The following MKLN1 variants were observed in gnomAD, a reference collection of about 807,000 sequenced individuals.
The protein encoded by MKLN1 is muskelin.
In MKLN1, 18 loss-of-function variants were observed where a neutral mutation model predicts 99.0. The observed-to-expected ratio is 0.18, with a 90% CI of 0.13 to 0.27. The LOEUF is 0.27. Among genes scored for constraint, MKLN1 ranks in the 10% least tolerant of loss-of-function variants. The probability of loss-of-function intolerance (pLI) is 1.00; values close to 1 mark genes in which losing one functional copy is unlikely to be tolerated. For synonymous variants in MKLN1, 288 were observed against 293.2 expected (o/e 0.98, Z 0.18); for missense variants, 621 against 875.9 (o/e 0.71, Z 3.67).
intron 1 of MKLN1, among the ~76,000 whole-genome samples, chr7:131,358,740 CTCGACTT>C (rs1183270389): frequency 6.6e-6 from 1 of 152,072 alleles, no homozygotes; most frequent in Admixed American, 6.5e-5. Flanking sequence ...AGGTCGCTTT[CTCGACTT>C]TTGGTAGTTT....
intron 3 of MKLN1, among the ~76,000 whole-genome samples, chr7:131,288,950 G>T (rs1393890925): frequency 6.6e-6 from 1 of 152,084 alleles, no homozygotes; most frequent in Admixed American, 6.6e-5. Flanking sequence ...ACCATCAAGT[G>T]CAGGTGGTTA....
At chr7:131,257,390 A>G (rs1007497871) in intron 3 of MKLN1, among the ~76,000 whole-genome samples, 1 of 152,266 alleles carries the variant, frequency 6.6e-6, no homozygotes. Flanking sequence ...AAATTACAAA[A>G]TACTTTAAAA....
chr7:131,420,949 G>T (rs1264883455), intron 8 of MKLN1, among the ~76,000 whole-genome samples: 1 of 152,116 alleles, frequency 6.6e-6, no homozygotes, highest in Non-Finnish European at 1.5e-5. Context: ...AGTAGATCAG[G>T]TTATTATGTC....
intron 11 of MKLN1, 29 bp downstream of exon 11, chr7:131,443,731 G>A (rs1160796548): frequency 6.8e-7 from 1 of 1,470,684 alleles, no homozygotes; most frequent in Non-Finnish European, 9.5e-7. Context: ...TTGCGTAAAT[G>A]TTATTTTGTC....
At chr7:131,281,080 A>G (rs566235550) in intron 3 of MKLN1, among the ~76,000 whole-genome samples, 3 of 151,968 alleles carry the variant, frequency 2.0e-5, no homozygotes, top group African/African-American at 4.8e-5. Flanking sequence ...TTCTTTTGTT[A>G]CTTCTGCTTT....
intron 2 of MKLN1, among the ~76,000 whole-genome samples, chr7:131,193,688 T>C (rs1355677526): frequency 6.6e-6 from 1 of 151,772 alleles, no homozygotes; most frequent in East Asian, 2.0e-4. Flanking sequence ...AGCTAAAAAT[T>C]ATTATTTTTG....
intron 1 of MKLN1, among the ~76,000 whole-genome samples, chr7:131,346,583 A>G (rs1799569640): frequency 6.6e-6 from 1 of 152,050 alleles, no homozygotes; most frequent in Non-Finnish European, 1.5e-5. Context: ...CCTTTGCAAC[A>G]ATTATAAGGT....
intron 3 of MKLN1, among the ~76,000 whole-genome samples, chr7:131,229,265 G>A (rs974227758): frequency 6.6e-5 from 10 of 151,702 alleles, no homozygotes; most frequent in Admixed American, 2.0e-4. Flanking sequence ...TGCACCCATC[G>A]ATCCGTCATC....
Position 131,437,850 on chromosome 7 carries a change from A to G in MKLN1, c.1026A>G (p.Thr342=). 6.2e-7 allele frequency: 1 copy of G among 1,613,910 alleles called. No individual in the cohort carries two copies. The highest frequency in any genetic ancestry group is 8.5e-7 in the Non-Finnish European group (1 of 1,179,894). Residue 342 remains threonine, a synonymous_variant, in exon 10 of 18, where the codon ACA becomes ACG. Transcript: ENST00000352689. ...ATATTCAACGGAGGCAAATCTACAC[A>G]TTGGGGCGTTACTTGGATTCCTCTG... ...CIDIQRRQIY[T]LGRYLDSSVR...
At position 131,429,116 on chromosome 7, in the gene MKLN1, A is replaced by G. The variant is rs546762632; in HGVS notation, c.931A>G (p.Thr311Ala). Residue 311 changes from threonine to alanine, a missense_variant, in exon 9 of 18, where the codon ACA (threonine) becomes GCA (alanine). By Grantham distance (58) the Thr-to-Ala change is moderately conservative (BLOSUM62 0). Around this residue, in one of 8 missense-constraint regions of MKLN1, gnomAD observed 361 missense variants for 540.8 expected, o/e 0.67. Transcript: ENST00000352689. The stretch of plus-strand genomic sequence containing the variant: ...GTACAGTGTGAAGGAGAACCAGTGG[A>G]CATGTATCTCTAGAGACACTGAAAA... ...WAYSVKENQW[T>A]CISRDTEKEN... is the part of the protein sequence containing the mutation. 19 of 1,613,760 alleles carry G rather than the reference A, an allele frequency of 1.2e-5. 1 individual carries two copies. The South Asian group carries it at 2.1e-4, about 18-fold the overall frequency.
chr7:131,307,888 T>C (rs1172987762), intron 3 of MKLN1, among the ~76,000 whole-genome samples: 3 of 152,198 alleles, frequency 2.0e-5, no homozygotes, highest in Admixed American at 1.3e-4. Flanking sequence ...TATTTTGCAA[T>C]CTGAAAAGGA....
intron 1 of MKLN1, among the ~76,000 whole-genome samples, chr7:131,331,475 C>G (rs73488957): frequency 0.056 from 8,560 of 152,054 alleles, 285 homozygotes; most frequent in East Asian, 0.19. Flanking sequence ...TTAACTTGCC[C>G]AGGTCTAAGA....
At chr7:131,250,909 A>G (rs561608546) in intron 3 of MKLN1, among the ~76,000 whole-genome samples, 2 of 152,154 alleles carry the variant, frequency 1.3e-5, no homozygotes, top group East Asian at 3.9e-4. Context: ...AGGTTTCTGG[A>G]GAAACAGGTA....
At chr7:131,202,516 A>G (rs1796746184) in intron 2 of MKLN1, among the ~76,000 whole-genome samples, 1 of 152,140 alleles carries the variant, frequency 6.6e-6, no homozygotes, top group South Asian at 2.1e-4. Context: ...GCGCCAGGAC[A>G]ACAGGCCTGA....
intron 16 of MKLN1, among the ~76,000 whole-genome samples, chr7:131,477,821 G>T (rs1668422341): frequency 6.6e-6 from 1 of 152,186 alleles, no homozygotes; most frequent in Admixed American, 6.5e-5. Flanking sequence ...CTTGGGAAGT[G>T]CCAAGTAACT....
intron 3 of MKLN1, among the ~76,000 whole-genome samples, chr7:131,306,148 A>G (rs1798463750): frequency 2.0e-5 from 3 of 152,138 alleles, no homozygotes; most frequent in East Asian, 3.9e-4. Context: ...TTCCACCATG[A>G]TTACGTTTCC....
At chr7:131,288,380 G>A (rs2116593832) in intron 3 of MKLN1, among the ~76,000 whole-genome samples, 1 of 152,262 alleles carries the variant, frequency 6.6e-6, no homozygotes, top group African/African-American at 2.4e-5. Flanking sequence ...GACCTTGGGT[G>A]CCTCAGTATC....
At chr7:131,194,892 A>G (rs893488736) in intron 2 of MKLN1, among the ~76,000 whole-genome samples, 3 of 152,222 alleles carry the variant, frequency 2.0e-5, no homozygotes, top group African/African-American at 7.2e-5. Context: ...TGACAAATTT[A>G]AAGGCACCAA....
intron 1 of MKLN1, among the ~76,000 whole-genome samples, chr7:131,334,829 A>G (rs1799203785): frequency 6.6e-6 from 1 of 152,238 alleles, no homozygotes; most frequent in East Asian, 1.9e-4. Flanking sequence ...AGCTATTTAT[A>G]GACATTTTAA....
Sources: gnomAD v4.1 joint callset for allele counts (sites outside exome capture counted in the v4.1 genomes callset) on GRCh38, gnomAD v4.1.1 for gene constraint, gnomAD v4.1.1 regional missense constraint, MANE v1.5 for transcripts, NCBI Gene and HGNC (gene_info 2026-07-23, HGNC 2026-07-21) for gene names.